The following TGFB2 variants were observed in gnomAD, a reference collection of about 807,000 sequenced individuals.
TGFB2 encodes transforming growth factor beta-2 proprotein.
In TGFB2, 13 loss-of-function variants were observed where a neutral mutation model predicts 42.7. The observed-to-expected ratio is 0.30, with a 90% CI of 0.20 to 0.48. The LOEUF is 0.48. Ranked by LOEUF, TGFB2 falls within the 20% of genes least tolerant of loss-of-function variation. TGFB2 has a pLI of 0.99. For missense variants in TGFB2, 390 were observed against 517.5 expected (o/e 0.75, Z 2.39); for synonymous variants, 193 against 193.6 (o/e 1.00, Z 0.03).
At chr1:218,382,955 T>C (rs10482751) in intron 1 of TGFB2, among the ~76,000 whole-genome samples, 81,242 of 152,076 alleles carry the variant, frequency 0.53, 25,246 homozygotes, top group Non-Finnish European at 0.69. Flanking sequence ...GCTACTCATC[T>C]CAAATTTTGA....
chr1:218,398,463 T>A (rs1364121040), intron 1 of TGFB2, among the ~76,000 whole-genome samples: 1 of 152,258 alleles, frequency 6.6e-6, no homozygotes, highest in Non-Finnish European at 1.5e-5. Context: ...AAGCCTCAAA[T>A]CTACATTCTG....
intron 1 of TGFB2, among the ~76,000 whole-genome samples, chr1:218,384,123 G>GA (rs5781032): frequency 1.2e-4 from 18 of 148,640 alleles, no homozygotes; most frequent in South Asian, 2.1e-4. Context: ...TCATTAAAAA[G>GA]AAAAAAAAAA....
intron 6 of TGFB2, among the ~76,000 whole-genome samples, chr1:218,438,837 A>G (rs1331587770): frequency 6.6e-6 from 1 of 152,190 alleles, no homozygotes; most frequent in African/African-American, 2.4e-5. Flanking sequence ...GACCGGGCGC[A>G]GTGACTCATG....
chr1:218,438,102 A>G (rs1660029715), intron 6 of TGFB2, among the ~76,000 whole-genome samples: 1 of 152,142 alleles, frequency 6.6e-6, no homozygotes, highest in Non-Finnish European at 1.5e-5. Flanking sequence ...CTGTATTTTC[A>G]TACCTATTAA....
intron 1 of TGFB2, among the ~76,000 whole-genome samples, chr1:218,365,688 TC>T (rs1178846505): frequency 6.6e-6 from 1 of 151,798 alleles, no homozygotes; most frequent in Non-Finnish European, 1.5e-5. Context: ...TTGTCTCTGT[TC>T]TTAGAAATAG....
intron 2 of TGFB2, among the ~76,000 whole-genome samples, chr1:218,411,226 C>G (rs966503492): frequency 2.0e-5 from 3 of 152,204 alleles, no homozygotes; most frequent in Admixed American, 6.5e-5. Flanking sequence ...GCACAACAAG[C>G]TTCAAAATGT....
At chr1:218,363,240 ATGAGTCCCTCTTCTACTT>A in intron 1 of TGFB2, 5 of 1,066,516 alleles carry the variant, frequency 4.7e-6, no homozygotes, top group Non-Finnish European at 7.2e-6. Context: ...AGAACATTCA[ATGAGTCCCTCTTCTACTT>A]TGAATCTTTG....
chr1:218,380,342 A>C (rs1657918354), intron 1 of TGFB2, among the ~76,000 whole-genome samples: 2 of 152,200 alleles, frequency 1.3e-5, no homozygotes, highest in Admixed American at 1.3e-4. Context: ...TGTGTAAATC[A>C]CTGTGCTATC....
At chr1:218,352,169 G>A (rs530979553) in intron 1 of TGFB2, among the ~76,000 whole-genome samples, 41 of 149,726 alleles carry the variant, frequency 2.7e-4, no homozygotes, top group African/African-American at 9.1e-4. Flanking sequence ...GGAGTAAGGT[G>A]AGCAGCCGAG....
chr1:218,347,014 A>C lies in TGFB2; in HGVS notation c.313A>C (p.Lys105Gln). ...DEEYYAKEVY[K>Q]IDMPPFFPSE... ...AGAGTACTACGCCAAGGAGGTTTAC[A>C]AAATAGACATGCCGCCCTTCTTCCC... Residue 105 changes from lysine (K) to glutamine (Q), a missense_variant, in exon 1 of 7, where the codon AAA becomes CAA. Physicochemically the swap from Lys to Gln is moderately conservative, Grantham distance 53. Coordinates refer to ENST00000366930, the MANE Select transcript of TGFB2 (RefSeq NM_003238.6). 6.2e-7 allele frequency: 1 copy of C among 1,606,032 alleles called. No individual in the cohort carries two copies. The highest frequency in any genetic ancestry group is 8.5e-7 in the Non-Finnish European group (1 of 1,175,922).
chr1:218,346,681 T>C lies in TGFB2; in HGVS notation c.-21T>C. On this transcript the variant is annotated 5_prime_UTR_variant, in exon 1 of 7. Coordinates refer to ENST00000366930, the MANE Select transcript of TGFB2 (RefSeq NM_003238.6). This position sits in a 1 kb window ranked among gnomAD's most constrained non-coding sequence, Gnocchi z 4.9. ...TTATTCTGACTTTTAAAAACAACTT[T>C]TTTTTCCACTTTTTTAAAAAATGCA... 1 of 1,567,678 alleles carries C rather than the reference T, an allele frequency of 6.4e-7. No homozygotes were observed. The highest frequency in any genetic ancestry group is 1.2e-5 in the South Asian group (1 of 83,428).
At chr1:218,365,874 A>T (rs1309043479) in intron 1 of TGFB2, among the ~76,000 whole-genome samples, 2 of 152,012 alleles carry the variant, frequency 1.3e-5, no homozygotes, top group African/African-American at 2.4e-5. Context: ...TTCCAAGGAG[A>T]TGTTGGGAGC....
At position 218,346,444 on chromosome 1, in the gene TGFB2, G is replaced by A; in HGVS notation, c.-258G>A. On this transcript the variant is annotated 5_prime_UTR_variant, in exon 1 of 7. Transcript: ENST00000366930. This position sits in a 1 kb window ranked among gnomAD's most constrained non-coding sequence, Gnocchi z 4.9. ...TCCAAGAATTTTTTTCTTCTTACTC[G>A]CCAAAGTCAGGGTTCCCTCTGCCCG... 5.6e-6 allele frequency: 2 copies of A among 360,176 alleles called. No individual in the cohort carries two copies. Among genetic ancestry groups the A allele is most frequent in the East Asian group, 4.7e-5 (1 of 21,324 alleles). 22.3% of individuals were successfully genotyped at this position (360,176 alleles called of 1,614,324 possible).
In TGFB2 at chr1:218,346,953, G is replaced by A. The variant is rs952595114; in HGVS notation, c.252G>A (p.Arg84=). 13 of 1,613,902 alleles carry A rather than the reference G, an allele frequency of 8.1e-6. No homozygotes were observed. In the African/African-American group the frequency reaches 1.1e-4, roughly 13 times the overall value. Residue 84 remains arginine, a synonymous_variant, in exon 1 of 7, where the codon CGG becomes CGA. Transcript: ENST00000366930. The surrounding 1 kb of genome is among the most constrained non-coding windows in gnomAD (Gnocchi z 4.9). The stretch of plus-strand genomic sequence containing the variant: ...ACTTGCTCCAGGAGAAGGCGAGCCG[G>A]AGGGCGGCCGCCTGCGAGCGCGAGA... ...TRDLLQEKAS[R]RAAACERERS...
At chr1:218,410,276 T>A (rs562238715) in intron 2 of TGFB2, among the ~76,000 whole-genome samples, 2 of 152,320 alleles carry the variant, frequency 1.3e-5, no homozygotes, top group Non-Finnish European at 2.9e-5. Context: ...ATTCTATACA[T>A]GAGTTCAGGG....
chr1:218,361,045 G>T (rs181997050), intron 1 of TGFB2, among the ~76,000 whole-genome samples: 1 of 152,330 alleles, frequency 6.6e-6, no homozygotes, highest in Admixed American at 6.5e-5. Context: ...AGTAGAGACG[G>T]AGTTTCACCA....
chr1:218,350,622 G>A (rs937944471), intron 1 of TGFB2, among the ~76,000 whole-genome samples: 1 of 152,116 alleles, frequency 6.6e-6, no homozygotes, highest in African/African-American at 2.4e-5. Context: ...TACTGAATAG[G>A]AGGATAGTCA....
In TGFB2 at chr1:218,441,421, C is replaced by T. The variant is rs1013731525; in HGVS notation, c.*59C>T. On this transcript the variant is annotated 3_prime_UTR_variant, in exon 7 of 7. Coordinates refer to ENST00000366930, the MANE Select transcript of TGFB2 (RefSeq NM_003238.6). The stretch of plus-strand genomic sequence containing the variant: ...ATGATGATGATAATGATGATGACGA[C>T]GACAACGATGATGCTTGTAACAAGA... 2.1e-5 allele frequency: 32 copies of T among 1,523,174 alleles called. No individual in the cohort carries two copies. The highest frequency in any genetic ancestry group is 5.1e-5 in the South Asian group (4 of 78,044). 94.4% of individuals were successfully genotyped at this position (1,523,174 alleles called of 1,614,324 possible).
chr1:218,427,238 G>A (rs1437211878), intron 2 of TGFB2, among the ~76,000 whole-genome samples: 1 of 152,020 alleles, frequency 6.6e-6, no homozygotes, highest in Non-Finnish European at 1.5e-5. Flanking sequence ...TTTATCGCCA[G>A]CAGAAACTCT....
Sources: gnomAD v4.1 joint callset for allele counts (sites outside exome capture counted in the v4.1 genomes callset) on GRCh38, gnomAD v4.1.1 for gene constraint, Gnocchi (gnomAD v3.1) non-coding constraint, MANE v1.5 for transcripts, NCBI Gene and HGNC (gene_info 2026-07-23, HGNC 2026-07-21) for gene names.